Variants in CHD9 observed in about 807,000 individuals in gnomAD.
CHD9 encodes chromodomain helicase DNA binding protein 9.
Under a neutral mutation model 316.1 loss-of-function variants are expected in CHD9, and 77 were observed. The ratio of observed to expected loss-of-function variants is 0.24; its 90% CI spans 0.20 to 0.29. The LOEUF (loss-of-function observed/expected upper bound fraction) is 0.29. Ranked by LOEUF, CHD9 falls within the 10% of genes least tolerant of loss-of-function variation. The pLI, the probability that CHD9 is intolerant of heterozygous loss-of-function variation, is 1.00. For missense variants in CHD9, 2,763 were observed against 3,438.1 expected, an observed-to-expected ratio of 0.80 and a Z score of 4.91; for synonymous variants, 1,129 against 1,158.3, an observed-to-expected ratio of 0.97 and a Z score of 0.51.
At chr16:53,250,272 TCTCA>T (rs1429394347) in intron 17 of CHD9, 2 of 530,060 alleles carry the variant, frequency 3.8e-6, no homozygotes, top group African/African-American at 3.9e-5. Flanking sequence ...TTTTTATATG[TCTCA>T]CTAACTTATA....
At position 53,324,934 on chromosome 16, in the gene CHD9, A is replaced by T; in HGVS notation, c.*39A>T. ...CACTTAAAATATGAACTGATTTTGG[A>T]TTTTTTCTTTAATAATTAATTGTAA... is the stretch of plus-strand genomic sequence containing the variant. On this transcript the variant is annotated 3_prime_UTR_variant, in exon 39 of 39. Coordinates refer to ENST00000447540, the MANE Select transcript of CHD9 (RefSeq NM_001308319.2). The T allele has an allele frequency of 6.7e-7, 1 of 1,493,818 alleles. No individual in the cohort carries two copies. Among genetic ancestry groups the T allele is most frequent in the Non-Finnish European group, 8.9e-7 (1 of 1,120,898 alleles). The allele number at this position is 1,493,818 out of a possible 1,614,324, so 92.5% of individuals were successfully genotyped here.
chr16:53,238,200 A>T, intron 11 of CHD9, 143 bp from the exon 12 acceptor site: 2 of 684,698 alleles, frequency 2.9e-6, no homozygotes, highest in Non-Finnish European at 4.6e-6. Context: ...TTGTAATCTT[A>T]AGCCTACCCT....
chr16:53,254,708 C>A, intron 18 of CHD9, 103 bp downstream of exon 18: 1 of 1,006,136 alleles, frequency 9.9e-7, no homozygotes, highest in Non-Finnish European at 1.4e-6. Flanking sequence ...GAATACTAAA[C>A]ACATTTGTTT....
intron 34 of CHD9, among the ~76,000 whole-genome samples, chr16:53,313,248 G>A (rs1597976370): frequency 2.0e-5 from 3 of 150,560 alleles, no homozygotes; most frequent in Non-Finnish European, 3.0e-5. Flanking sequence ...AGTTACTCAT[G>A]AAAAAAAAAG....
At chr16:53,141,687 A>G (rs2040119273) in intron 1 of CHD9, among the ~76,000 whole-genome samples, 1 of 152,224 alleles carries the variant, frequency 6.6e-6, no homozygotes, top group Non-Finnish European at 1.5e-5. Context: ...TAGGAATACA[A>G]AGATGAATAA....
Position 53,156,520 on chromosome 16 carries a change from A to G in CHD9, c.431A>G (p.Gln144Arg). The G allele has an allele frequency of 6.2e-7, 1 of 1,614,012 alleles. No homozygotes were observed. Among genetic ancestry groups the G allele is most frequent in the Non-Finnish European group, 8.5e-7 (1 of 1,179,892 alleles). The stretch of plus-strand genomic sequence containing the variant: ...CAAAATGGATCTCCTTTTCACCAAC[A>G]AGGACATTCACACTCTATGCATCAA... ...SNQNGSPFHQ[Q>R]GHSHSMHQNK... The change falls in exon 2 of 39, where the codon CAA (glutamine) becomes CGA (arginine). Residue 144 changes from glutamine to arginine, a missense_variant. Around this residue, in one of 15 missense-constraint regions of CHD9, gnomAD observed 859 missense variants for 890.4 expected, o/e 0.96. Coordinates refer to ENST00000447540, the MANE Select transcript of CHD9 (RefSeq NM_001308319.2).
chr16:53,067,698 C>T (rs561418038), intron 1 of CHD9, among the ~76,000 whole-genome samples: 2 of 152,290 alleles, frequency 1.3e-5, no homozygotes, highest in South Asian at 2.1e-4. Flanking sequence ...ATCTTTATCA[C>T]ATCACATCAA....
At position 53,303,846 on chromosome 16, in the gene CHD9, G is replaced by T. The variant is rs758101701; in HGVS notation, c.5840G>T (p.Arg1947Leu). Residue 1947 changes from arginine to leucine, a missense_variant, in exon 31 of 39, where the codon CGC becomes CTC. Around this residue, in one of 15 missense-constraint regions of CHD9, gnomAD observed 663 missense variants for 751.2 expected, o/e 0.88. Transcript: ENST00000447540. ...QALRHPQLFE[R>L]LKLCHPNPDL... ...CTTCGACATCCACAGTTGTTTGAACGCTTGAAGCTTTGCCATCCAAATCCA... is the reference window on the plus strand; with the variant it reads ...CTTCGACATCCACAGTTGTTTGAACTCTTGAAGCTTTGCCATCCAAATCCA... 1.2e-6 allele frequency: 2 copies of T among 1,613,998 alleles called. No individual in the cohort carries two copies. Among genetic ancestry groups the T allele is most frequent in the South Asian group, 1.1e-5 (1 of 91,084 alleles).
intron 34 of CHD9, among the ~76,000 whole-genome samples, chr16:53,313,710 C>T (rs902788036): frequency 4.7e-4 from 34 of 72,204 alleles, no homozygotes; most frequent in African/African-American, 1.6e-3. Context: ...TTTGGGAGGC[C>T]GAGGCCGAGG....
At chr16:53,080,761 C>T (rs1567313346) in intron 1 of CHD9, among the ~76,000 whole-genome samples, 1 of 152,160 alleles carries the variant, frequency 6.6e-6, no homozygotes, top group Non-Finnish European at 1.5e-5. Context: ...AGCCAAGTCT[C>T]CACCCCTCTC....
rs369431411 is a variant in CHD9 at position 53,231,729 on chromosome 16, C to G, written c.2456C>G (p.Ala819Gly). The G allele has an allele frequency of 1.7e-5, 28 of 1,611,054 alleles. 1 individual carries two copies. The highest frequency in any genetic ancestry group is 3.3e-4 in the Middle Eastern group (2 of 6,068). The change falls in exon 10 of 39, where the codon GCA (alanine) becomes GGA (glycine). Residue 819 changes from alanine (A) to glycine (G), a missense_variant. Ala to Gly is a moderately conservative substitution (Grantham distance 60). Around this residue, in one of 15 missense-constraint regions of CHD9, gnomAD observed 186 missense variants for 245.0 expected, o/e 0.76. Coordinates refer to ENST00000447540, the MANE Select transcript of CHD9 (RefSeq NM_001308319.2). ...GAACTAAAAGAAGATGTAGATCTTG[C>G]AAAAATAGAAGAGTTTGAACAACTG... is the stretch of plus-strand genomic sequence containing the variant. ...TWELKEDVDL[A>G]KIEEFEQLQA...
intron 9 of CHD9, 52 bp downstream of exon 9, chr16:53,231,557 A>G (rs2048175891): frequency 2.2e-6 from 3 of 1,382,576 alleles, no homozygotes; most frequent in Non-Finnish European, 3.0e-6. Context: ...GAAACTTTCC[A>G]AGTATTAAGA....
chr16:53,126,581 G>C (rs905850677), intron 1 of CHD9, among the ~76,000 whole-genome samples: 21 of 133,210 alleles, frequency 1.6e-4, no homozygotes, highest in African/African-American at 5.5e-4. Flanking sequence ...TGCAGTTTCA[G>C]GATCCTTTTT....
At chr16:53,145,215 G>A (rs1268341338) in intron 1 of CHD9, among the ~76,000 whole-genome samples, 3 of 149,926 alleles carry the variant, frequency 2.0e-5, no homozygotes, top group Non-Finnish European at 3.0e-5. Context: ...GCAGTGGTGC[G>A]ATCTCAGCTC....
rs147519662 is a variant in CHD9 at position 53,191,722 on chromosome 16, C to T, written c.1453-17760C>T. On this transcript the variant is annotated intron_variant, in intron 2 of 38. Coordinates refer to ENST00000447540, the MANE Select transcript of CHD9 (RefSeq NM_001308319.2). ...AATTTATGCCTATTATGAGTAATGCCTCTAAGAACATTCAAGTTCAGTCTT... is the reference window on the plus strand; with the variant it reads ...AATTTATGCCTATTATGAGTAATGCTTCTAAGAACATTCAAGTTCAGTCTT... Among the ~76,000 whole-genome samples, 244 of 152,156 alleles carry T rather than the reference C, an allele frequency of 1.6e-3. 2 individuals carry two copies. The Middle Eastern group carries it at 0.02, about 13-fold the overall frequency.
At chr16:53,231,859 T>C in intron 10 of CHD9, 75 bp downstream of exon 10, 1 of 1,290,596 alleles carries the variant, frequency 7.7e-7, no homozygotes, top group Non-Finnish European at 1.1e-6. Context: ...CTAATAATTA[T>C]ATAATGTTTT....
At chr16:53,220,113 A>G (rs890261064) in intron 3 of CHD9, among the ~76,000 whole-genome samples, 1 of 152,214 alleles carries the variant, frequency 6.6e-6, no homozygotes. Flanking sequence ...GGAAATAAGC[A>G]GTGAAAGTGG....
chr16:53,225,566 G>T, intron 4 of CHD9, among the ~76,000 whole-genome samples: 1 of 152,132 alleles, frequency 6.6e-6, no homozygotes, highest in East Asian at 1.9e-4. Context: ...ATGTATATTT[G>T]ATTCCAGATT....
chr16:53,069,709 A>G (rs1596869388), intron 1 of CHD9, among the ~76,000 whole-genome samples: 2 of 152,128 alleles, frequency 1.3e-5, no homozygotes, highest in African/African-American at 2.4e-5. Context: ...GGGTGTATAG[A>G]TATCTGTTTA....
Sources: gnomAD v4.1 joint callset for allele counts (sites outside exome capture counted in the v4.1 genomes callset) on GRCh38, gnomAD v4.1.1 for gene constraint, gnomAD v4.1.1 regional missense constraint, MANE v1.5 for transcripts, NCBI Gene and HGNC (gene_info 2026-07-23, HGNC 2026-07-21) for gene names.